Variants in GUCA1C observed in about 807,000 individuals in gnomAD.
The protein encoded by GUCA1C is guanylate cyclase activator 1C.
GUCA1C carries 15 observed loss-of-function variants against 16.2 expected under a neutral mutation model. That is an observed-to-expected ratio of 0.93 (90% CI 0.62 to 1.43). The LOEUF is 1.43. Among genes scored for constraint, GUCA1C ranks in the 40% most tolerant of loss-of-function variants. The pLI is 0.00. For synonymous variants in GUCA1C, 78 were observed against 85.4 expected (o/e 0.91, Z 0.48); for missense variants, 275 against 244.8 (o/e 1.12, Z -0.82).
chr3:108,952,739 C>T (rs891676905), intron 1 of GUCA1C, among the ~76,000 whole-genome samples: 1 of 151,564 alleles, frequency 6.6e-6, no homozygotes, highest in Admixed American at 6.6e-5. Context: ...TTTCTCTGTT[C>T]CTTTTTATTC....
chr3:108,908,352 T>TAAA lies in GUCA1C; in HGVS notation c.443-146_443-144dup, dbSNP rs1468970590. 7.5e-3 allele frequency: 2,595 copies of TAAA among 347,118 alleles called. 112 individuals are homozygous for TAAA. The highest frequency in any genetic ancestry group is 0.067 in the African/African-American group (2,445 of 36,386). The allele number at this position is 347,118 out of a possible 1,614,324, so 21.5% of individuals were successfully genotyped here. On this transcript the variant is annotated intron_variant, in intron 3 of 3. Transcript: ENST00000261047. Reference sequence around the variant, plus strand: ...TCTAAGATCTTTGAAGATCTTCATTTAAACAAAAAAAAAAAAAAAAAGCAT... The same window carrying TAAA: ...TCTAAGATCTTTGAAGATCTTCATTTAAAAAACAAAAAAAAAAAAAAAAAGCAT...
chr3:108,953,599 T>G lies in GUCA1C; in HGVS notation c.164A>C (p.Lys55Thr), dbSNP rs746991799. ...GLQGLNQKAN[K>T]HIDQVYNTFD... is the part of the protein sequence containing the mutation. ...GGTATTATAAACTTGATCAATATGT[T>G]TATTGGCCTTCTGATTCAGACCTTG... The change falls in exon 1 of 4, where the codon AAA (lysine) becomes ACA (threonine). Residue 55 changes from lysine to threonine, a missense_variant. Transcript: ENST00000261047. The G allele has an allele frequency of 6.2e-7, 1 of 1,612,734 alleles. No homozygotes were observed. Among genetic ancestry groups the G allele is most frequent in the African/African-American group, 1.3e-5 (1 of 74,918 alleles).
chr3:108,945,707 A>T (rs2715710), intron 1 of GUCA1C, among the ~76,000 whole-genome samples: 54,035 of 152,016 alleles, frequency 0.36, 10,157 homozygotes, highest in Middle Eastern at 0.5. Context: ...ATATTTAAAA[A>T]TAAATACAAT....
In GUCA1C at chr3:108,916,117, G is replaced by C. The variant is rs748795557; in HGVS notation, c.442+10C>G. On this transcript the variant is annotated intron_variant, in intron 3 of 3. Coordinates refer to ENST00000261047, the MANE Select transcript of GUCA1C (RefSeq NM_005459.4). ...AGGAAAAGTGATCCAGTAGAGAGTA[G>C]CTCCATTACCATCATTGTTTATATC... 1.2e-6 allele frequency: 2 copies of C among 1,612,374 alleles called. No individual in the cohort carries two copies. The highest frequency in any genetic ancestry group is 1.7e-6 in the Non-Finnish European group (2 of 1,178,628).
chr3:108,934,808 CTTTTT>C (rs71629371), intron 1 of GUCA1C, among the ~76,000 whole-genome samples: 152 of 86,106 alleles, frequency 1.8e-3, no homozygotes, highest in African/African-American at 7.1e-3. Flanking sequence ...TGTTCTTGAT[CTTTTT>C]TTTTTTTTTT....
At chr3:108,924,248 T>G (rs905208968) in intron 1 of GUCA1C, among the ~76,000 whole-genome samples, 4 of 152,210 alleles carry the variant, frequency 2.6e-5, no homozygotes, top group Non-Finnish European at 5.9e-5. Context: ...CTTTCAACTT[T>G]TACCCATTCA....
At chr3:108,940,782 A>G (rs1946777737) in intron 1 of GUCA1C, among the ~76,000 whole-genome samples, 1 of 152,218 alleles carries the variant, frequency 6.6e-6, no homozygotes, top group African/African-American at 2.4e-5. Context: ...CATTCCATTC[A>G]TTTGTGGACT....
chr3:108,916,433 T>C (rs1946512391), intron 2 of GUCA1C, among the ~76,000 whole-genome samples: 2 of 152,186 alleles, frequency 1.3e-5, no homozygotes, highest in South Asian at 2.1e-4. Context: ...AGCCCTATTT[T>C]ATACAGCATA....
intron 1 of GUCA1C, among the ~76,000 whole-genome samples, chr3:108,936,044 C>T (rs1450750239): frequency 1.3e-5 from 2 of 151,892 alleles, no homozygotes; most frequent in Non-Finnish European, 2.9e-5. Flanking sequence ...ACAGGTGAAT[C>T]GCTTGAGCCT....
At position 108,951,494 on chromosome 3, in the gene GUCA1C, G is replaced by A. The variant is rs117649506; in HGVS notation, c.204+2065C>T. 1.6e-3 allele frequency among the ~76,000 whole-genome samples: 245 copies of A among 152,278 alleles called. 8 individuals carry two copies. In the East Asian group the frequency reaches 0.041, roughly 25 times the overall value. On this transcript the variant is annotated intron_variant, in intron 1 of 3. Transcript: ENST00000261047. Reference sequence around the variant, plus strand: ...ACAAAGAAAAAAAGAAAACTGCAGAGAAGCTGCATAGAAATAGTAAATCTT... The same window carrying A: ...ACAAAGAAAAAAAGAAAACTGCAGAAAAGCTGCATAGAAATAGTAAATCTT...
At chr3:108,937,822 CAGCA>C (rs2107306648) in intron 1 of GUCA1C, among the ~76,000 whole-genome samples, 1 of 152,236 alleles carries the variant, frequency 6.6e-6, no homozygotes, top group African/African-American at 2.4e-5. Context: ...CCTGTAATCC[CAGCA>C]CTTTGGGAGG....
chr3:108,921,707 T>A (rs1301418173), intron 1 of GUCA1C, among the ~76,000 whole-genome samples: 1 of 152,246 alleles, frequency 6.6e-6, no homozygotes, highest in Non-Finnish European at 1.5e-5. Context: ...CATCTTTTTG[T>A]GTGCTTGTTT....
rs774254004 is a variant in GUCA1C, at chr3:108,908,148, A to C, written c.504T>G (p.Ile168Met). ...GMAKDQDLLE[I>M]VYKSFDFSNV... Reference sequence around the variant, plus strand: ...TGGAGAAGTCGAAGCTCTTGTAAACAATCTCCAGGAGATCCTGATCTTTTG... The same window carrying C: ...TGGAGAAGTCGAAGCTCTTGTAAACCATCTCCAGGAGATCCTGATCTTTTG... Residue 168 changes from isoleucine (I) to methionine (M), a missense_variant, in exon 4 of 4, where the codon ATT becomes ATG. Ile to Met is a conservative substitution (Grantham distance 10, BLOSUM62 1). Transcript: ENST00000261047. 4.1e-5 allele frequency: 66 copies of C among 1,613,838 alleles called. No homozygotes were observed. The highest frequency in any genetic ancestry group is 5.0e-5 in the Non-Finnish European group (59 of 1,179,774).
At chr3:108,934,639 G>C (rs1946703182) in intron 1 of GUCA1C, among the ~76,000 whole-genome samples, 1 of 152,100 alleles carries the variant, frequency 6.6e-6, no homozygotes, top group Non-Finnish European at 1.5e-5. Context: ...ACAGTGGACT[G>C]GATAAAGAAA....
chr3:108,913,823 T>G (rs960528778), intron 3 of GUCA1C, among the ~76,000 whole-genome samples: 8 of 152,020 alleles, frequency 5.3e-5, no homozygotes, highest in Admixed American at 3.9e-4. Context: ...ATCCCAGCAC[T>G]TTGGGAGGCT....
chr3:108,936,186 C>G (rs1417947437), intron 1 of GUCA1C, among the ~76,000 whole-genome samples: 1 of 151,894 alleles, frequency 6.6e-6, no homozygotes, highest in Non-Finnish European at 1.5e-5. Context: ...CACCTGAGCC[C>G]GGGAGTTGGA....
intron 1 of GUCA1C, among the ~76,000 whole-genome samples, chr3:108,930,298 T>C (rs1023961136): frequency 6.6e-6 from 1 of 152,192 alleles, no homozygotes; most frequent in Non-Finnish European, 1.5e-5. Flanking sequence ...TCCCCGGAAA[T>C]AAAGAGCTTT....
intron 1 of GUCA1C, among the ~76,000 whole-genome samples, chr3:108,943,053 G>A (rs564282154): frequency 6.6e-6 from 1 of 152,248 alleles, no homozygotes; most frequent in Non-Finnish European, 1.5e-5. Context: ...AGTTTCAAAG[G>A]TTGAAGCCAT....
chr3:108,924,736 T>C (rs1403718608), intron 1 of GUCA1C, among the ~76,000 whole-genome samples: 1 of 152,178 alleles, frequency 6.6e-6, no homozygotes, highest in Non-Finnish European at 1.5e-5. Flanking sequence ...TTTTTGACTG[T>C]CTAATATAAT....
Sources: allele counts gnomAD v4.1 joint callset (sites outside exome capture counted in the v4.1 genomes callset), GRCh38; gene constraint gnomAD v4.1.1; transcripts MANE v1.5; gene names NCBI Gene and HGNC (gene_info 2026-07-23, HGNC 2026-07-21).